CHN2: variants seen among roughly 807,000 people sequenced by gnomAD.
CHN2 encodes chimerin 2, also known as beta-chimaerin.
Under a neutral mutation model 56.3 loss-of-function variants are expected in CHN2, and 35 were observed. The ratio of observed to expected loss-of-function variants is 0.62; its 90% CI spans 0.47 to 0.82. The LOEUF is 0.82. Among genes scored for constraint, CHN2 ranks in the 40% least tolerant of loss-of-function variants. The pLI is 0.00. For missense variants in CHN2, 491 were observed against 580.5 expected (o/e 0.85, Z 1.58); for synonymous variants, 210 against 212.8 (o/e 0.99, Z 0.12).
intron 6 of CHN2, among the ~76,000 whole-genome samples, chr7:29,462,270 A>G (rs1012400241): frequency 2.6e-5 from 4 of 152,222 alleles, no homozygotes; most frequent in Non-Finnish European, 4.4e-5. Context: ...AAGGGCTGCT[A>G]TAGACCATAT....
intron 6 of CHN2, among the ~76,000 whole-genome samples, chr7:29,431,325 C>G (rs917668555): frequency 2.0e-5 from 3 of 152,198 alleles, no homozygotes; most frequent in African/African-American, 7.2e-5. Context: ...AAAATCCAAA[C>G]TGGATTATAG....
At chr7:29,257,283 G>A (rs1246995438) in intron 1 of CHN2, among the ~76,000 whole-genome samples, 1 of 152,112 alleles carries the variant, frequency 6.6e-6, no homozygotes, top group Non-Finnish European at 1.5e-5. Context: ...ACACCACTGT[G>A]TCCTATATGT....
chr7:29,213,117 C>A, intron 1 of CHN2: 2 of 1,587,612 alleles, frequency 1.3e-6, no homozygotes, highest in South Asian at 1.1e-5. Flanking sequence ...CAGGGGAAGG[C>A]CTTAATGTAA....
chr7:29,207,069 T>A (rs1433294082), intron 1 of CHN2, among the ~76,000 whole-genome samples: 1 of 152,236 alleles, frequency 6.6e-6, no homozygotes, highest in Non-Finnish European at 1.5e-5. Context: ...TAAAAGTCAT[T>A]GAATTGTTTG....
intron 1 of CHN2, among the ~76,000 whole-genome samples, chr7:29,288,076 T>A (rs967158815): frequency 6.6e-6 from 1 of 152,032 alleles, no homozygotes; most frequent in African/African-American, 2.4e-5. Context: ...CTATGAAAAA[T>A]TAAAATAAAT....
intron 7 of CHN2, among the ~76,000 whole-genome samples, chr7:29,481,020 T>G (rs1368215896): frequency 1.3e-5 from 2 of 152,218 alleles, no homozygotes; most frequent in African/African-American, 4.8e-5. Context: ...CTATGTTCGT[T>G]TCAGACTGGT....
intron 1 of CHN2, among the ~76,000 whole-genome samples, chr7:29,331,710 G>A (rs1372165100): frequency 6.6e-6 from 1 of 152,184 alleles, no homozygotes; most frequent in Non-Finnish European, 1.5e-5. Context: ...GATTGACTGG[G>A]AGAGGGAAGG....
In CHN2 at chr7:29,238,015, C is replaced by CTTTT. The variant is rs11405147; in HGVS notation, c.49+43043_49+43046dup. Among the ~76,000 whole-genome samples, 152 of 105,940 alleles carry CTTTT rather than the reference C, an allele frequency of 1.4e-3. 10 individuals carry two copies. The highest frequency in any genetic ancestry group is 4.4e-3 in the African/African-American group (122 of 27,470). 69.5% of individuals were successfully genotyped at this position (105,940 alleles called of 152,430 possible). A position where few individuals can be genotyped will look rare whatever the true frequency, so the allele number is the denominator to read the frequency against. On this transcript the variant is annotated intron_variant, in intron 1 of 12. Transcript: ENST00000222792. ...ACACTCATACTTTAATATGTATTCT[C>CTTTT]TTTTTTTTTTTTTTTTTTTTTAGAA...
At position 29,273,382 on chromosome 7, in the gene CHN2, TATATATAC is replaced by T. The variant is rs796429674; in HGVS notation, c.49+78394_49+78401del. Among the ~76,000 whole-genome samples the T allele has an allele frequency of 2.2e-3, 129 of 58,828 alleles. 6 individuals are homozygous for T. The highest frequency in any genetic ancestry group is 4.7e-3 in the East Asian group (4 of 858). 38.6% of individuals were successfully genotyped at this position (58,828 alleles called of 152,430 possible). On this transcript the variant is annotated intron_variant, in intron 1 of 12. Transcript: ENST00000222792. ...ATATATATATATATATATATATATA[TATATATAC>T]ACACACCACATTTTCTTTATTGGTT...
intron 1 of CHN2, among the ~76,000 whole-genome samples, chr7:29,259,252 T>A (rs1014137919): frequency 6.6e-6 from 1 of 151,570 alleles, no homozygotes. Flanking sequence ...TACTTGAGCC[T>A]GAAGTTCAAG....
chr7:29,405,739 G>A (rs1802597500), intron 6 of CHN2, among the ~76,000 whole-genome samples: 1 of 152,062 alleles, frequency 6.6e-6, no homozygotes, highest in African/African-American at 2.4e-5. Flanking sequence ...CTCCCCTCTT[G>A]TCTCCCACTC....
At chr7:29,391,607 T>A (rs1305547770) in intron 3 of CHN2, among the ~76,000 whole-genome samples, 1 of 152,184 alleles carries the variant, frequency 6.6e-6, no homozygotes, top group African/African-American at 2.4e-5. Flanking sequence ...CTCAATTGGA[T>A]CAAACTCTCT....
At chr7:29,363,590 A>G (rs1389639216) in intron 2 of CHN2, among the ~76,000 whole-genome samples, 1 of 152,232 alleles carries the variant, frequency 6.6e-6, no homozygotes, top group Non-Finnish European at 1.5e-5. Flanking sequence ...CAAAGAGCTT[A>G]CATTTTAATC....
At chr7:29,326,556 A>C (rs1795819357) in intron 1 of CHN2, among the ~76,000 whole-genome samples, 1 of 152,220 alleles carries the variant, frequency 6.6e-6, no homozygotes. Context: ...CCTGTTCACC[A>C]GAGCAGCTCC....
intron 1 of CHN2, among the ~76,000 whole-genome samples, chr7:29,298,065 C>T (rs905687162): frequency 6.6e-6 from 1 of 152,138 alleles, no homozygotes; most frequent in Non-Finnish European, 1.5e-5. Context: ...GCAGGCACCA[C>T]CCACGGGTGC....
chr7:29,472,299 G>GCACACACACACACACACGCACACACACA (rs59917710), intron 6 of CHN2, among the ~76,000 whole-genome samples: 2 of 105,492 alleles, frequency 1.9e-5, no homozygotes, highest in Non-Finnish European at 4.1e-5. Flanking sequence ...ACACACACAC[G>GCACACACACACACACACGCACACACACA]CACACACACA....
rs528250418 is a variant in CHN2 at position 29,269,420 on chromosome 7, C to T, written c.49+74430C>T. ...TGGCTAAATAATATTCCATTGTGTA[C>T]GTGTACCACATTTTCTTTATCCATG... On this transcript the variant is annotated intron_variant, in intron 1 of 12. Transcript: ENST00000222792. 1.2e-4 allele frequency among the ~76,000 whole-genome samples: 18 copies of T among 152,222 alleles called. No homozygotes were observed. In the South Asian group the frequency reaches 2.5e-3, roughly 21 times the overall value.
chr7:29,437,739 A>G lies in CHN2; in HGVS notation c.576+36911A>G, dbSNP rs1336403966. Among the ~76,000 whole-genome samples the G allele has an allele frequency of 2.6e-5, 4 of 152,060 alleles. No homozygotes were observed. The East Asian group carries it at 5.8e-4, about 22-fold the overall frequency. ...TTGCTTAGGGAAAAAAAAAATACCT[A>G]TATAGATTATTTCGAAAGAAAAAGC... On this transcript the variant is annotated intron_variant, in intron 6 of 12. Transcript: ENST00000222792.
chr7:29,194,623 G>A, upstream of CHN2: 1 of 284,372 alleles, frequency 3.5e-6, no homozygotes, highest in Non-Finnish European at 6.4e-6. Flanking sequence ...GGACGGCAGA[G>A]GGGCTCGGCG....
Sources: allele counts gnomAD v4.1 joint callset (sites outside exome capture counted in the v4.1 genomes callset), GRCh38; gene constraint gnomAD v4.1.1; transcripts MANE v1.5; gene names NCBI Gene and HGNC (gene_info 2026-07-23, HGNC 2026-07-21).